The following SEMA3A variants were observed in gnomAD, a reference collection of about 807,000 sequenced individuals.
SEMA3A encodes semaphorin-3A.
In SEMA3A, 29 loss-of-function variants were observed where a neutral mutation model predicts 97.9. That is an observed-to-expected ratio of 0.30 (90% CI 0.22 to 0.40). The LOEUF is 0.40. Ranked by LOEUF, SEMA3A falls within the 10% of genes least tolerant of loss-of-function variation. The pLI, the probability that SEMA3A is intolerant of heterozygous loss-of-function variation, is 1.00. For synonymous variants in SEMA3A, 321 were observed against 323.7 expected, an observed-to-expected ratio of 0.99 and a Z score of 0.09; for missense variants, 763 against 951.3, an observed-to-expected ratio of 0.80 and a Z score of 2.60.
intron 13 of SEMA3A, among the ~76,000 whole-genome samples, chr7:83,982,214 T>A (rs889753216): frequency 1.3e-5 from 2 of 152,182 alleles, no homozygotes; most frequent in African/African-American, 4.8e-5. Context: ...GATCTTGAGC[T>A]ATTCATATAA....
chr7:84,241,497 G>C (rs1034861089), intron 3 of SEMA3A, among the ~76,000 whole-genome samples: 1 of 152,082 alleles, frequency 6.6e-6, no homozygotes, highest in Non-Finnish European at 1.5e-5. Flanking sequence ...TGTAGATTCT[G>C]GATATTAAGG....
chr7:84,248,455 C>T (rs2115597469), intron 3 of SEMA3A, among the ~76,000 whole-genome samples: 1 of 152,264 alleles, frequency 6.6e-6, no homozygotes, highest in Admixed American at 6.5e-5. Context: ...TGCTTGGAGG[C>T]TGTGGCATGT....
At chr7:84,316,902 G>C (rs1289108852) in intron 2 of SEMA3A, among the ~76,000 whole-genome samples, 1 of 152,112 alleles carries the variant, frequency 6.6e-6, no homozygotes, top group Non-Finnish European at 1.5e-5. Context: ...TGGAAAAGGT[G>C]AAGCTTTCAC....
At chr7:84,437,003 T>G (rs1805149744) in intron 1 of SEMA3A, among the ~76,000 whole-genome samples, 2 of 152,094 alleles carry the variant, frequency 1.3e-5, no homozygotes, top group South Asian at 4.1e-4. Context: ...AATGATTCAA[T>G]TCCATGACAG....
intron 1 of SEMA3A, among the ~76,000 whole-genome samples, chr7:84,379,024 T>A (rs1387548707): frequency 1.3e-5 from 2 of 151,994 alleles, no homozygotes; most frequent in East Asian, 3.9e-4. Context: ...GCCTCCCAGG[T>A]TCATGCCGTT....
intron 1 of SEMA3A, among the ~76,000 whole-genome samples, chr7:84,435,077 T>C (rs892184827): frequency 6.6e-6 from 1 of 152,210 alleles, no homozygotes; most frequent in African/African-American, 2.4e-5. Flanking sequence ...ATCTCCTTGC[T>C]GACTACATCA....
At chr7:84,372,526 T>G (rs1802999094) in intron 1 of SEMA3A, among the ~76,000 whole-genome samples, 1 of 152,110 alleles carries the variant, frequency 6.6e-6, no homozygotes, top group East Asian at 1.9e-4. Flanking sequence ...AGTGGGTGGA[T>G]ACAATGGTGA....
chr7:84,353,228 G>C (rs939895885), intron 2 of SEMA3A, among the ~76,000 whole-genome samples: 7 of 151,542 alleles, frequency 4.6e-5, no homozygotes, highest in Non-Finnish European at 8.9e-5. Context: ...CCAATTTTTT[G>C]GTCCCGAAGT....
At chr7:84,432,398 A>T (rs984588186) in intron 1 of SEMA3A, among the ~76,000 whole-genome samples, 3 of 151,706 alleles carry the variant, frequency 2.0e-5, no homozygotes. Context: ...TTATTTCAAC[A>T]TTTATTTTAG....
rs1489073901 is a variant in SEMA3A, at chr7:84,313,350, GTGTGTGTATATATATA to G, written c.-168-6074_-168-6059del. 2.9e-3 allele frequency among the ~76,000 whole-genome samples: 111 copies of G among 38,682 alleles called. 6 individuals carry two copies. The highest frequency in any genetic ancestry group is 9.4e-3 in the African/African-American group (104 of 11,048). 25.4% of individuals were successfully genotyped at this position (38,682 alleles called of 152,430 possible). A position where few individuals can be genotyped will look rare whatever the true frequency, so the allele number is the denominator to read the frequency against. On this transcript the variant is annotated intron_variant, in intron 2 of 3. Coordinates refer to the SEMA3A transcript ENST00000424555. The stretch of plus-strand genomic sequence containing the variant: ...AATACATATATATATATGTATATGT[GTGTGTGTATATATATA>G]TATATATATATATATATATATATAT...
At chr7:84,411,571 A>ATC (rs1554381180) in intron 1 of SEMA3A, among the ~76,000 whole-genome samples, 1 of 150,758 alleles carries the variant, frequency 6.6e-6, no homozygotes, top group African/African-American at 2.4e-5. Context: ...GTATAATTAT[A>ATC]TATATATATA....
At chr7:84,108,643 C>G (rs143151880) in intron 4 of SEMA3A, among the ~76,000 whole-genome samples, 1 of 152,094 alleles carries the variant, frequency 6.6e-6, no homozygotes, top group Non-Finnish European at 1.5e-5. Context: ...CAGTGGCTCA[C>G]GCCTGTAATC....
At chr7:84,447,257 C>T (rs1326337730) in intron 1 of SEMA3A, among the ~76,000 whole-genome samples, 1 of 152,116 alleles carries the variant, frequency 6.6e-6, no homozygotes, top group African/African-American at 2.4e-5. Context: ...CTGCAGGCAC[C>T]CTTTGGGACA....
intron 1 of SEMA3A, among the ~76,000 whole-genome samples, chr7:84,148,622 T>C (rs1416105211): frequency 2.0e-5 from 3 of 152,168 alleles, no homozygotes; most frequent in African/African-American, 7.2e-5. Context: ...TTCATTGATA[T>C]ATTATAACTT....
intron 6 of SEMA3A, among the ~76,000 whole-genome samples, chr7:84,026,034 C>G (rs1791531769): frequency 6.6e-6 from 1 of 152,172 alleles, no homozygotes; most frequent in African/African-American, 2.4e-5. Context: ...AAGATTGCTA[C>G]CTTCTAGCAC....
rs192878353 is a variant in SEMA3A at position 84,052,284 on chromosome 7, C to A, written c.548-5841G>T. 1.9e-4 allele frequency among the ~76,000 whole-genome samples: 29 copies of A among 152,216 alleles called. No homozygotes were observed. The East Asian group carries it at 4.8e-3, about 25-fold the overall frequency. On this transcript the variant is annotated intron_variant, in intron 5 of 16. Transcript: ENST00000265362. ...TTGATTGGAATAGTTTCAGAAGGAA[C>A]GCTACCAGTTCCTCCTTGTACCTCT...
intron 1 of SEMA3A, among the ~76,000 whole-genome samples, chr7:84,430,961 A>T (rs1312795895): frequency 6.6e-6 from 1 of 152,006 alleles, no homozygotes; most frequent in Non-Finnish European, 1.5e-5. Flanking sequence ...AATTGAGAGG[A>T]AGGTACACAG....
intron 2 of SEMA3A, among the ~76,000 whole-genome samples, chr7:84,368,890 T>TAA (rs1802911963): frequency 6.6e-6 from 1 of 150,988 alleles, no homozygotes; most frequent in Non-Finnish European, 1.5e-5. Context: ...AAGTTATATA[T>TAA]AACTTGTATA....
chr7:84,340,231 C>T (rs1802130499), intron 2 of SEMA3A, among the ~76,000 whole-genome samples: 1 of 151,928 alleles, frequency 6.6e-6, no homozygotes, highest in African/African-American at 2.4e-5. Flanking sequence ...TGACATTTTC[C>T]TGGGTAGATT....
Sources: gnomAD v4.1 joint callset for allele counts (sites outside exome capture counted in the v4.1 genomes callset) on GRCh38, gnomAD v4.1.1 for gene constraint, MANE v1.5 for transcripts, NCBI Gene and HGNC (gene_info 2026-07-23, HGNC 2026-07-21) for gene names.